ROBO2: variants seen among roughly 807,000 people sequenced by gnomAD.
ROBO2 encodes roundabout homolog 2.
In ROBO2, 53 loss-of-function variants were observed where a neutral mutation model predicts 160.8. The observed-to-expected ratio is 0.33, with a 90% CI of 0.26 to 0.41. The LOEUF is 0.41. Ranked by LOEUF, ROBO2 falls within the 10% of genes least tolerant of loss-of-function variation. The pLI, the probability that ROBO2 is intolerant of heterozygous loss-of-function variation, is 1.00. For synonymous variants in ROBO2, 664 were observed against 611.7 expected (o/e 1.09, Z -1.26); for missense variants, 1,577 against 1,722.4 (o/e 0.92, Z 1.49).
intron 2 of ROBO2, among the ~76,000 whole-genome samples, chr3:76,117,732 C>T (rs183025159): frequency 2.6e-5 from 4 of 152,122 alleles, no homozygotes; most frequent in East Asian, 3.9e-4. Flanking sequence ...CCTGCTCTTC[C>T]GAAGCTTACA....
At chr3:77,039,876 GC>G (rs1378879600), upstream of ROBO2, 1 of 153,638 alleles carries the variant, frequency 6.5e-6, no homozygotes, top group African/African-American at 2.4e-5. Flanking sequence ...GGCTGCGGGG[GC>G]TGGACCCGGG....
At chr3:77,544,080 G>T (rs990588402) in intron 6 of ROBO2, among the ~76,000 whole-genome samples, 3 of 147,668 alleles carry the variant, frequency 2.0e-5, no homozygotes, top group African/African-American at 7.5e-5. Context: ...TTTTCTACAA[G>T]ATTGCAGATG....
intron 2 of ROBO2, among the ~76,000 whole-genome samples, chr3:76,798,288 G>GAAAGAAAGAA (rs1488185297): frequency 6.8e-6 from 1 of 147,790 alleles, no homozygotes; most frequent in African/African-American, 2.5e-5. Flanking sequence ...AAGAAAGAAA[G>GAAAGAAAGAA]AAAGAAAGAA....
intron 6 of ROBO2, among the ~76,000 whole-genome samples, chr3:77,533,381 C>A (rs76773023): frequency 0.076 from 11,585 of 152,178 alleles, 791 homozygotes; most frequent in African/African-American, 0.17. Context: ...CTATAGGTCC[C>A]AAATGCAGGC....
At chr3:77,450,920 A>G (rs1439106546) in intron 2 of ROBO2, among the ~76,000 whole-genome samples, 2 of 149,580 alleles carry the variant, frequency 1.3e-5, no homozygotes, top group African/African-American at 2.6e-5. Context: ...TTATGAAAGA[A>G]TTGCACATTT....
At chr3:76,982,273 AT>A (rs1331510739) in intron 2 of ROBO2, among the ~76,000 whole-genome samples, 1 of 152,086 alleles carries the variant, frequency 6.6e-6, no homozygotes, top group Non-Finnish European at 1.5e-5. Context: ...TAAGGTTCCA[AT>A]TTTGTTCTGT....
intron 1 of ROBO2, among the ~76,000 whole-genome samples, chr3:75,931,768 T>G (rs1947552736): frequency 6.6e-6 from 1 of 152,060 alleles, no homozygotes; most frequent in African/African-American, 2.4e-5. Context: ...GTCCCCTGCT[T>G]GACTTTGCAT....
Position 76,806,649 on chromosome 3 carries a change from G to A in ROBO2, c.110-291365G>A, listed in dbSNP as rs111685628. On this transcript the variant is annotated intron_variant, in intron 2 of 26. Transcript: ENST00000487694. ...TGGCACACTCGTCATTTAAAACTAT[G>A]CAACAGAATTCCCAACAGCGTTTAA... is the stretch of plus-strand genomic sequence containing the variant. Among the ~76,000 whole-genome samples the A allele has an allele frequency of 5.7e-3, 870 of 152,126 alleles. 6 individuals carry two copies. The highest frequency in any genetic ancestry group is 0.02 in the African/African-American group (833 of 41,548).
At chr3:76,271,841 C>A (rs1052907775) in intron 2 of ROBO2, among the ~76,000 whole-genome samples, 2 of 151,954 alleles carry the variant, frequency 1.3e-5, no homozygotes, top group African/African-American at 4.8e-5. Flanking sequence ...TAAAATCAGA[C>A]TCGATAAATA....
rs554645098 is a variant in ROBO2 at position 77,485,766 on chromosome 3, T to A, written c.667+4547T>A. Among the ~76,000 whole-genome samples, 7 of 152,204 alleles carry A rather than the reference T, an allele frequency of 4.6e-5. No homozygotes were observed. The South Asian group carries it at 1.5e-3, about 32-fold the overall frequency. ...AGAGTGTTGTTTTTGTAATTTGAAT[T>A]TTGTTTTATTTTTTTACCAGCTTTT... On this transcript the variant is annotated intron_variant, in intron 4 of 25. Coordinates refer to ENST00000461745, the Ensembl canonical transcript of ROBO2.
chr3:76,670,746 CTTATA>C (rs1490555787), intron 2 of ROBO2, among the ~76,000 whole-genome samples: 1 of 151,576 alleles, frequency 6.6e-6, no homozygotes, highest in Non-Finnish European at 1.5e-5. Flanking sequence ...TTATTTTACC[CTTATA>C]TTAATTATAA....
At chr3:76,354,777 G>T (rs1047009181) in intron 2 of ROBO2, among the ~76,000 whole-genome samples, 7 of 151,618 alleles carry the variant, frequency 4.6e-5, no homozygotes, top group Non-Finnish European at 8.8e-5. Context: ...AAAACTGCTG[G>T]GTATAAGTAG....
chr3:77,286,458 GT>G (rs1395778337), intron 2 of ROBO2, among the ~76,000 whole-genome samples: 2 of 151,978 alleles, frequency 1.3e-5, no homozygotes, highest in Non-Finnish European at 2.9e-5. Flanking sequence ...GTTTCACCAT[GT>G]TGGCCAGGCT....
Position 76,265,618 on chromosome 3 carries a change from G to A in ROBO2, c.109+328016G>A, listed in dbSNP as rs150811165. On this transcript the variant is annotated intron_variant, in intron 2 of 26. Transcript: ENST00000487694. ...CTTTCATATTTTGAGCACCTGCAAA[G>A]TGTTATATTAGCTCCTGTAAGCATT... 3.4e-3 allele frequency among the ~76,000 whole-genome samples: 520 copies of A among 152,214 alleles called. 6 individuals carry two copies. The highest frequency in any genetic ancestry group is 0.025 in the Admixed American group (380 of 15,270).
chr3:77,322,763 TTA>T (rs1030779208), intron 2 of ROBO2, among the ~76,000 whole-genome samples: 3 of 138,600 alleles, frequency 2.2e-5, no homozygotes, highest in African/African-American at 2.7e-5. Context: ...ATATAATATA[TTA>T]TATTATACAT....
At chr3:76,657,668 G>A (rs9855533) in intron 2 of ROBO2, among the ~76,000 whole-genome samples, 1 of 111,418 alleles carries the variant, frequency 9.0e-6, no homozygotes, top group African/African-American at 4.3e-5. Flanking sequence ...ATATATATGT[G>A]TATATATATA....
chr3:77,302,768 A>T (rs1265916750), intron 2 of ROBO2, among the ~76,000 whole-genome samples: 2 of 152,212 alleles, frequency 1.3e-5, no homozygotes, highest in Admixed American at 1.3e-4. Context: ...TGAAATATAG[A>T]CTTGGAAGGC....
chr3:76,368,526 G>C (rs2075948899), intron 2 of ROBO2, among the ~76,000 whole-genome samples: 1 of 151,870 alleles, frequency 6.6e-6, no homozygotes, highest in Non-Finnish European at 1.5e-5. Flanking sequence ...GCAGGGCTCA[G>C]CTGGGACTGT....
intron 2 of ROBO2, among the ~76,000 whole-genome samples, chr3:76,559,362 T>C (rs1454058217): frequency 6.6e-6 from 1 of 152,188 alleles, no homozygotes; most frequent in Admixed American, 6.5e-5. Context: ...CATTCAGACA[T>C]AATTTAGATC....
Sources: allele counts gnomAD v4.1 joint callset (sites outside exome capture counted in the v4.1 genomes callset), GRCh38; gene constraint gnomAD v4.1.1; transcripts MANE v1.5; gene names NCBI Gene and HGNC (gene_info 2026-07-23, HGNC 2026-07-21).